Variants in HSD17B4 observed in about 807,000 individuals in gnomAD.
HSD17B4 encodes peroxisomal multifunctional enzyme type 2.
HSD17B4 carries 70 observed loss-of-function variants against 101.0 expected under a neutral mutation model. The ratio of observed to expected loss-of-function variants is 0.69; its 90% CI spans 0.57 to 0.85. The LOEUF is 0.85. Ranked by LOEUF, HSD17B4 falls within the 40% of genes least tolerant of loss-of-function variation. HSD17B4 has a pLI of 0.00. For missense variants in HSD17B4, 984 were observed against 892.4 expected, an observed-to-expected ratio of 1.10 and a Z score of -1.31; for synonymous variants, 347 against 297.1, an observed-to-expected ratio of 1.17 and a Z score of -1.73.
intron 21 of HSD17B4, among the ~76,000 whole-genome samples, 197 bp from the exon 22 acceptor site, chr5:119,531,069 T>C (rs150011760): frequency 2.0e-5 from 3 of 152,154 alleles, no homozygotes; most frequent in Non-Finnish European, 2.9e-5. Flanking sequence ...CTAATAAAAG[T>C]AAAATCCTGT....
intron 19 of HSD17B4, 150 bp from the exon 20 acceptor site, chr5:119,526,983 T>C: frequency 1.6e-6 from 1 of 618,250 alleles, no homozygotes; most frequent in Non-Finnish European, 2.9e-6. Flanking sequence ...TTTTATCATA[T>C]TATACTTAGG....
At chr5:119,531,584 T>TTC (rs1258737675) in intron 22 of HSD17B4, among the ~76,000 whole-genome samples, 180 bp downstream of exon 22, 1 of 151,446 alleles carries the variant, frequency 6.6e-6, no homozygotes, top group Non-Finnish European at 1.5e-5. Context: ...TGTGTGTGTG[T>TTC]GTGTGTGTGT....
At chr5:119,503,434 T>TAAAAC (rs1751368100) in intron 14 of HSD17B4, among the ~76,000 whole-genome samples, 2 of 152,326 alleles carry the variant, frequency 1.3e-5, no homozygotes, top group South Asian at 4.1e-4. Context: ...CCTGTGCATT[T>TAAAAC]TCTTTAAGCA....
At chr5:119,499,881 A>G (rs1188864024) in intron 13 of HSD17B4, among the ~76,000 whole-genome samples, 1 of 152,152 alleles carries the variant, frequency 6.6e-6, no homozygotes, top group Non-Finnish European at 1.5e-5. Context: ...TATAAAATGG[A>G]TATGATAATC....
In HSD17B4 at chr5:119,493,826, G is replaced by A; in HGVS notation, c.748G>A (p.Glu250Lys). ...TTTGTTTCTATAACCAGTACGCTGGGAGCGGACTCTTGGAGCTATTGTAAG... is the reference window on the plus strand; with the variant it reads ...TTTGTTTCTATAACCAGTACGCTGGAAGCGGACTCTTGGAGCTATTGTAAG... The part of the protein sequence containing the change: ...GAGWIGKLRW[E>K]RTLGAIVRQK... The change falls in exon 11 of 24, where the codon GAG becomes AAG. Residue 250 changes from glutamate (E) to lysine (K), a missense_variant. By Grantham distance (56) the Glu-to-Lys change is moderately conservative. Coordinates refer to ENST00000510025, the MANE Select transcript of HSD17B4 (RefSeq NM_000414.4). 1.2e-6 allele frequency: 2 copies of A among 1,612,718 alleles called. No homozygotes were observed. Among genetic ancestry groups the A allele is most frequent in the Non-Finnish European group, 8.5e-7 (1 of 1,179,002 alleles).
intron 17 of HSD17B4, among the ~76,000 whole-genome samples, chr5:119,516,436 G>A (rs1752618815): frequency 6.6e-6 from 1 of 151,856 alleles, no homozygotes; most frequent in Admixed American, 6.6e-5. Context: ...TAAGTAGTGG[G>A]GTTTTCTTTC....
Position 119,477,430 on chromosome 5 carries a change from A to G in HSD17B4, c.363A>G (p.Arg121=), listed in dbSNP as rs2126696681. Residue 121 remains arginine (R), a synonymous_variant, in exon 7 of 24, where the codon AGA becomes AGG. Coordinates refer to ENST00000510025, the MANE Select transcript of HSD17B4 (RefSeq NM_000414.4). ...ISDEDWDIIH[R]VHLRGSFQVT... ...TTATTGTTTTAGATATAATCCACAG[A>G]GTTCATTTGCGGGGTTCATTCCAAG... 1.9e-6 allele frequency: 3 copies of G among 1,607,984 alleles called. No individual in the cohort carries two copies. In the East Asian group the frequency reaches 6.7e-5, roughly 36 times the overall value.
chr5:119,470,412 G>A (rs930419049), intron 2 of HSD17B4, among the ~76,000 whole-genome samples: 4 of 152,146 alleles, frequency 2.6e-5, no homozygotes, highest in African/African-American at 4.8e-5. Context: ...GTGTCATACT[G>A]TAACAGCTTG....
chr5:119,485,557 A>T (rs1303859188), intron 8 of HSD17B4, among the ~76,000 whole-genome samples: 1 of 151,904 alleles, frequency 6.6e-6, no homozygotes, highest in East Asian at 1.9e-4. Flanking sequence ...TTACTCTTTT[A>T]TAGTTTAGAA....
intron 6 of HSD17B4, chr5:119,476,756 C>T: frequency 2.1e-6 from 2 of 953,640 alleles, no homozygotes; most frequent in Non-Finnish European, 2.5e-6. Context: ...TCCTACTAAG[C>T]CACTACTCCT....
chr5:119,502,901 T>G (rs1428259195), intron 14 of HSD17B4, among the ~76,000 whole-genome samples: 1 of 152,192 alleles, frequency 6.6e-6, no homozygotes, highest in Non-Finnish European at 1.5e-5. Context: ...AACAGTACAC[T>G]TTGTGGTGAT....
At chr5:119,509,004 C>T (rs1561471853) in intron 15 of HSD17B4, 137 bp from the exon 16 acceptor site, 1 of 657,180 alleles carries the variant, frequency 1.5e-6, no homozygotes, top group Non-Finnish European at 2.7e-6. Context: ...AACTTGGACA[C>T]CTTTACATGT....
intron 17 of HSD17B4, among the ~76,000 whole-genome samples, chr5:119,519,016 A>G (rs151037859): frequency 5.3e-5 from 8 of 152,190 alleles, no homozygotes; most frequent in Non-Finnish European, 8.8e-5. Flanking sequence ...GCATACGCCT[A>G]TTGTCCCAGC....
chr5:119,482,246 G>A (rs150200067), intron 8 of HSD17B4, among the ~76,000 whole-genome samples: 1 of 151,856 alleles, frequency 6.6e-6, no homozygotes, highest in Non-Finnish European at 1.5e-5. Context: ...ATATCTTCAA[G>A]GTCACTGATT....
intron 15 of HSD17B4, among the ~76,000 whole-genome samples, chr5:119,507,095 A>G (rs1441069879): frequency 6.6e-6 from 1 of 152,204 alleles, no homozygotes; most frequent in Admixed American, 6.5e-5. Flanking sequence ...GGGAAGGGTG[A>G]GGCATTTCAT....
chr5:119,470,880 G>C (rs1289447510), intron 2 of HSD17B4, among the ~76,000 whole-genome samples: 1 of 152,182 alleles, frequency 6.6e-6, no homozygotes, highest in East Asian at 1.9e-4. Flanking sequence ...TGGGATTGCT[G>C]AGTGGGTCAG....
chr5:119,517,141 G>T (rs937017820), intron 17 of HSD17B4, among the ~76,000 whole-genome samples: 2 of 152,130 alleles, frequency 1.3e-5, no homozygotes, highest in East Asian at 3.9e-4. Flanking sequence ...TGCGCGCGGC[G>T]CTCGCAGGCC....
At chr5:119,465,715 G>C (rs1441771972) in intron 2 of HSD17B4, among the ~76,000 whole-genome samples, 2 of 152,192 alleles carry the variant, frequency 1.3e-5, no homozygotes, top group Non-Finnish European at 2.9e-5. Flanking sequence ...AGTTCTAAGA[G>C]TTTTTTGATG....
intron 11 of HSD17B4, among the ~76,000 whole-genome samples, chr5:119,495,500 A>G (rs12653056): frequency 0.074 from 11,243 of 152,182 alleles, 1,081 homozygotes; most frequent in East Asian, 0.42. Flanking sequence ...GCCAAGAAGT[A>G]ATTCATGTTG....
Sources: gnomAD v4.1 joint callset for allele counts (sites outside exome capture counted in the v4.1 genomes callset) on GRCh38, gnomAD v4.1.1 for gene constraint, MANE v1.5 for transcripts, NCBI Gene and HGNC (gene_info 2026-07-23, HGNC 2026-07-21) for gene names.